Variants in PLCG2 observed in about 807,000 individuals in gnomAD.
The protein encoded by PLCG2 is phospholipase C gamma 2.
A neutral mutation model predicts 175.6 loss-of-function variants in PLCG2; 69 were observed. That is an observed-to-expected ratio of 0.39 (90% CI 0.32 to 0.48). The LOEUF (loss-of-function observed/expected upper bound fraction) is 0.48. PLCG2 is among the 20% of genes least tolerant of loss of function. The probability of loss-of-function intolerance (pLI) is 0.91; values close to 1 mark genes in which losing one functional copy is unlikely to be tolerated. For synonymous variants in PLCG2, 827 were observed against 624.0 expected (o/e 1.33, Z -4.85); for missense variants, 1,798 against 1,650.9 (o/e 1.09, Z -1.54).
intron 9 of PLCG2, among the ~76,000 whole-genome samples, chr16:81,888,482 C>G (rs1444942804): frequency 6.6e-6 from 1 of 152,202 alleles, no homozygotes; most frequent in African/African-American, 2.4e-5. Context: ...CCGCCTCGGC[C>G]TACCAAAGTG....
upstream of PLCG2, among the ~76,000 whole-genome samples, chr16:81,775,035 T>A (rs1157082220): frequency 6.6e-6 from 1 of 152,170 alleles, no homozygotes; most frequent in Non-Finnish European, 1.5e-5. Flanking sequence ...TATGAGCCAA[T>A]GTGCCCAGTC....
chr16:81,800,057 C>G (rs867749723), intron 2 of PLCG2, among the ~76,000 whole-genome samples: 5 of 152,298 alleles, frequency 3.3e-5, no homozygotes, highest in Middle Eastern at 3.4e-3. Flanking sequence ...TTTCATTGCA[C>G]TCATCTGTAA....
In PLCG2 at chr16:81,927,186, C is replaced by G. The variant is rs1323025587; in HGVS notation, c.2514+8C>G. 3.2e-6 allele frequency: 5 copies of G among 1,587,094 alleles called. No individual in the cohort carries two copies. The highest frequency in any genetic ancestry group is 4.3e-6 in the Non-Finnish European group (5 of 1,155,666). ...GAGGAGCTAGAAAAGCAGGTGAGTCCCCCTCTTCGATCCTCTTACAGGAAG... is the reference window on the plus strand; with the variant it reads ...GAGGAGCTAGAAAAGCAGGTGAGTCGCCCTCTTCGATCCTCTTACAGGAAG... On this transcript the variant is annotated splice_region_variant and intron_variant, in intron 23 of 32. Coordinates refer to ENST00000564138, the MANE Select transcript of PLCG2 (RefSeq NM_002661.5).
chr16:81,840,358 G>A (rs889677671), intron 2 of PLCG2, among the ~76,000 whole-genome samples: 3 of 152,170 alleles, frequency 2.0e-5, no homozygotes, highest in African/African-American at 7.2e-5. Context: ...ACTTTTCCAT[G>A]GGCCAGATTG....
At chr16:81,935,797 G>A (rs771893933) in intron 26 of PLCG2, 9 of 985,134 alleles carry the variant, frequency 9.1e-6, no homozygotes, top group Non-Finnish European at 1.1e-5. Flanking sequence ...TGTGTCTGTG[G>A]TCTCTCTGGA....
intron 31 of PLCG2, among the ~76,000 whole-genome samples, chr16:81,949,691 A>G (rs570518247): frequency 6.6e-6 from 1 of 152,374 alleles, no homozygotes; most frequent in South Asian, 2.1e-4. Context: ...CAGTACAGTT[A>G]CATCTTACAG....
intron 22 of PLCG2, among the ~76,000 whole-genome samples, 154 bp from the exon 23 acceptor site, chr16:81,926,928 A>G (rs1910298084): frequency 6.6e-6 from 1 of 152,238 alleles, no homozygotes; most frequent in Admixed American, 6.5e-5. Flanking sequence ...GTTGCCTTTG[A>G]GATGCTCCAT....
At chr16:81,869,174 A>C in intron 5 of PLCG2, 40 bp from the exon 6 acceptor site, 1 of 1,517,430 alleles carries the variant, frequency 6.6e-7, no homozygotes. Flanking sequence ...TGCTGTTGAA[A>C]ACCCTCAAGG....
chr16:81,790,006 G>A (rs544227087), intron 2 of PLCG2, among the ~76,000 whole-genome samples: 60 of 152,324 alleles, frequency 3.9e-4, no homozygotes, highest in Non-Finnish European at 7.6e-4. Flanking sequence ...AGTGCCCTTG[G>A]ATGAGCTTTG....
intron 5 of PLCG2, 124 bp from the exon 6 acceptor site, chr16:81,869,090 A>G (rs1342662141): frequency 1.4e-5 from 10 of 713,548 alleles, no homozygotes; most frequent in Middle Eastern, 2.9e-4. Context: ...TTAGTGGTCC[A>G]TAAATAACTG....
intron 29 of PLCG2, among the ~76,000 whole-genome samples, chr16:81,939,131 A>C (rs527337923): frequency 1.3e-5 from 2 of 152,192 alleles, no homozygotes; most frequent in African/African-American, 4.8e-5. Flanking sequence ...GCCTGCCTGT[A>C]ACTCAAGTCC....
intron 2 of PLCG2, among the ~76,000 whole-genome samples, chr16:81,765,859 G>C (rs1177196178): frequency 6.6e-6 from 1 of 152,222 alleles, no homozygotes; most frequent in Non-Finnish European, 1.5e-5. Flanking sequence ...CCTGTGGACA[G>C]CTGCTGTGTA....
rs147222180 is a variant in PLCG2 at position 81,933,040 on chromosome 16, G to A, written c.2739+1386G>A. 9.6e-3 allele frequency among the ~76,000 whole-genome samples: 1,468 copies of A among 152,310 alleles called. 20 individuals are homozygous for A. The highest frequency in any genetic ancestry group is 0.034 in the African/African-American group (1,413 of 41,562). On this transcript the variant is annotated intron_variant, in intron 25 of 32. Coordinates refer to ENST00000564138, the MANE Select transcript of PLCG2 (RefSeq NM_002661.5). ...TCTACTTTGCTTAATGTGGAAAAGTGTTATTTCCCTAGAAGGCTCTGTCTC... is the reference window on the plus strand; with the variant it reads ...TCTACTTTGCTTAATGTGGAAAAGTATTATTTCCCTAGAAGGCTCTGTCTC...
chr16:81,958,071 TCA>T lies in PLCG2; in HGVS notation c.*77_*78del. The stretch of plus-strand genomic sequence containing the variant: ...TTGCATGTAGGAGAACGTGCCCTAT[TCA>T]CACTCTGGGAAGACGCTAATCTGTG... On this transcript the variant is annotated 3_prime_UTR_variant, in exon 33 of 33. Coordinates refer to ENST00000564138, the MANE Select transcript of PLCG2 (RefSeq NM_002661.5). 9.3e-7 allele frequency: 1 copy of T among 1,078,264 alleles called. No individual in the cohort carries two copies. The highest frequency in any genetic ancestry group is 1.4e-6 in the Non-Finnish European group (1 of 694,282). 66.8% of individuals were successfully genotyped at this position (1,078,264 alleles called of 1,614,324 possible).
chr16:81,882,101 C>T (rs906913938), intron 8 of PLCG2, among the ~76,000 whole-genome samples: 3 of 152,232 alleles, frequency 2.0e-5, no homozygotes, highest in Admixed American at 6.5e-5. Context: ...TGTTTCATCT[C>T]TTACACTATT....
At position 81,962,480 on chromosome 16, in the gene PLCG2, T is replaced by G. The variant is rs1048772018; in HGVS notation, c.*4482T>G. The G allele has an allele frequency of 3.3e-5, 7 of 213,226 alleles. No individual in the cohort carries two copies. Among genetic ancestry groups the G allele is most frequent in the African/African-American group, 1.6e-4 (7 of 44,268 alleles). The allele number at this position is 213,226 out of a possible 1,614,324, so 13.2% of individuals were successfully genotyped here. On this transcript the variant is annotated 3_prime_UTR_variant, in exon 33 of 33. Coordinates refer to ENST00000564138, the MANE Select transcript of PLCG2 (RefSeq NM_002661.5). ...ATCCTGCCTCTCAGAAATTTCCACA[T>G]TTCTTATTTTTCATTAGGCCTTAAG...
chr16:81,919,459 C>A (rs755880854), intron 19 of PLCG2, 25 bp from the exon 20 acceptor site: 1 of 1,598,280 alleles, frequency 6.3e-7, no homozygotes, highest in Non-Finnish European at 8.6e-7. Context: ...CTTGGCATGT[C>A]AACCCTGTGT....
At position 81,958,004 on chromosome 16, in the gene PLCG2, GGGGTATGTGTGTAA is replaced by G. The variant is rs1317984733; in HGVS notation, c.*13_*26del. 22 of 1,605,386 alleles carry G rather than the reference GGGGTATGTGTGTAA, an allele frequency of 1.4e-5. No individual in the cohort carries two copies. The South Asian group carries it at 2.3e-4, about 17-fold the overall frequency. On this transcript the variant is annotated 3_prime_UTR_variant, in exon 33 of 33. Coordinates refer to ENST00000564138, the MANE Select transcript of PLCG2 (RefSeq NM_002661.5). ...ACAGCAAGTTTTACTCATAGAAGCT[GGGGTATGTGTGTAA>G]GGGTATTGTGTGTGTGCGCATGTGT...
intron 31 of PLCG2, among the ~76,000 whole-genome samples, chr16:81,951,246 C>G (rs187917993): frequency 7.3e-4 from 111 of 152,292 alleles, no homozygotes; most frequent in African/African-American, 2.5e-3. Context: ...TTACACGTGT[C>G]AGCCACTGTG....
Sources: gnomAD v4.1 joint callset for allele counts (sites outside exome capture counted in the v4.1 genomes callset) on GRCh38, gnomAD v4.1.1 for gene constraint, MANE v1.5 for transcripts, NCBI Gene and HGNC (gene_info 2026-07-23, HGNC 2026-07-21) for gene names.